Variants in MAP3K12 observed in about 807,000 individuals in gnomAD.
MAP3K12 encodes the protein mitogen-activated protein kinase kinase kinase 12.
A neutral mutation model predicts 87.5 loss-of-function variants in MAP3K12; 14 were observed. The observed-to-expected ratio is 0.16, with a 90% CI of 0.11 to 0.25. The LOEUF is 0.25. Among genes scored for constraint, MAP3K12 ranks in the 10% least tolerant of loss-of-function variants. The pLI is 1.00. For synonymous variants in MAP3K12, 469 were observed against 452.5 expected (o/e 1.04, Z -0.46); for missense variants, 802 against 1,140.4 (o/e 0.70, Z 4.27).
chr12:53,481,627 C>T (rs189056651), intron 13 of MAP3K12: 32 of 348,662 alleles, frequency 9.2e-5, no homozygotes, highest in Non-Finnish European at 1.4e-4. Flanking sequence ...GGATTCCAGG[C>T]GTGAGTCACC....
intron 1 of MAP3K12, among the ~76,000 whole-genome samples, chr12:53,490,331 G>T (rs1237899317): frequency 2.6e-5 from 4 of 152,050 alleles, no homozygotes; most frequent in Admixed American, 2.6e-4. Context: ...GATTGGGCCA[G>T]GCATGGTGGC....
intron 8 of MAP3K12, 87 bp downstream of exon 8, chr12:53,483,824 T>C (rs1366132004): frequency 6.2e-7 from 1 of 1,610,546 alleles, no homozygotes; most frequent in African/African-American, 1.3e-5. Flanking sequence ...TCGTAGTCCT[T>C]CCACCCGCCC....
chr12:53,501,243 G>T, upstream of MAP3K12: 1 of 706,692 alleles, frequency 1.4e-6, no homozygotes. Flanking sequence ...CCTCCAGATG[G>T]AGGCTCACGA....
At chr12:53,491,802 A>G (rs965418666) in intron 1 of MAP3K12, among the ~76,000 whole-genome samples, 4 of 143,168 alleles carry the variant, frequency 2.8e-5, no homozygotes, top group Admixed American at 1.4e-4. Context: ...TGCTGGGCGC[A>G]GTGGCTCACG....
At chr12:53,495,488 T>A (rs989340839) in intron 1 of MAP3K12, among the ~76,000 whole-genome samples, 21 of 138,050 alleles carry the variant, frequency 1.5e-4, no homozygotes, top group African/African-American at 5.7e-4. Flanking sequence ...TGGGCGCACC[T>A]GTAGTCCGCC....
intron 1 of MAP3K12, chr12:53,492,956 G>T (rs1270971326): frequency 2.0e-5 from 3 of 152,332 alleles, no homozygotes; most frequent in African/African-American, 4.8e-5. Context: ...CCCAAGTCAG[G>T]ACCGCTGAAA....
chr12:53,489,617 G>GC lies in MAP3K12; in HGVS notation c.-37-2190dup, dbSNP rs1943346508. Among the ~76,000 whole-genome samples the GC allele has an allele frequency of 2.0e-5, 3 of 152,308 alleles. No individual in the cohort carries two copies. The South Asian group carries it at 6.2e-4, about 32-fold the overall frequency. ...CATAGCTAGCAGGGTCCTTCCATGA[G>GC]CCCCTGGGTTAGTCTGGAAATGATT... On this transcript the variant is annotated intron_variant, in intron 1 of 13. Transcript: ENST00000547488.
At chr12:53,488,569 A>C (rs142897486) in intron 1 of MAP3K12, among the ~76,000 whole-genome samples, 1 of 150,904 alleles carries the variant, frequency 6.6e-6, no homozygotes, top group Admixed American at 6.6e-5. Flanking sequence ...GCTGAGGCAG[A>C]AGAATTGCTT....
chr12:53,490,601 G>A lies in MAP3K12; in HGVS notation c.-37-3173C>T, dbSNP rs371628216. 1.4e-3 allele frequency among the ~76,000 whole-genome samples: 211 copies of A among 152,056 alleles called. 1 individual carries two copies. The highest frequency in any genetic ancestry group is 4.8e-3 in the African/African-American group (200 of 41,488). The stretch of plus-strand genomic sequence containing the variant: ...TACTAAAAAATACAAAAAATTAGCC[G>A]TGTGTGGTGGCAGGCGCCTGTAGTC... On this transcript the variant is annotated intron_variant, in intron 1 of 13. Transcript: ENST00000547488.
intron 1 of MAP3K12, among the ~76,000 whole-genome samples, chr12:53,498,605 CTT>C (rs1432874160): frequency 1.3e-5 from 2 of 152,086 alleles, no homozygotes; most frequent in African/African-American, 4.8e-5. Context: ...AGTCTCAACT[CTT>C]GTTTATTTTT....
Position 53,482,118 on chromosome 12 carries a change from G to A in MAP3K12, c.2403C>T (p.Ser801=), listed in dbSNP as rs140131430. 1.2e-6 allele frequency: 2 copies of A among 1,614,068 alleles called. No individual in the cohort carries two copies. The highest frequency in any genetic ancestry group is 1.3e-5 in the African/African-American group (1 of 74,904). Residue 801 remains serine (S), a synonymous_variant, in exon 13 of 14, where the codon TCC becomes TCT. Coordinates refer to ENST00000547488, the MANE Select transcript of MAP3K12 (RefSeq NM_001193511.2). ...DGEEGTASEP[S]PSGTPEVGST... is the part of the protein sequence containing the mutation. ...TGCCAACTTCAGGTGTGCCACTGGG[G>A]GAAGGTTCACTAGCTGTGCCTTCCT...
In MAP3K12 at chr12:53,480,746, C is replaced by G. The variant is rs181128469; in HGVS notation, c.*436G>C. 8.3e-4 allele frequency: 126 copies of G among 152,696 alleles called. No individual in the cohort carries two copies. Among genetic ancestry groups the G allele is most frequent in the Non-Finnish European group, 1.6e-3 (107 of 68,056 alleles). 9.5% of individuals were successfully genotyped at this position (152,696 alleles called of 1,614,324 possible). On this transcript the variant is annotated 3_prime_UTR_variant, in exon 14 of 14. Transcript: ENST00000547488. ...AGAAACCTCAGAGGGGAGGACCCAG[C>G]CTTAGCCTCCCTCCTCCCAAGTGCA... is the stretch of plus-strand genomic sequence containing the variant.
chr12:53,495,254 G>C (rs1943518648), intron 1 of MAP3K12, among the ~76,000 whole-genome samples: 1 of 147,302 alleles, frequency 6.8e-6, no homozygotes. Context: ...CAGGAGAATG[G>C]CGTGAACCCA....
chr12:53,482,906 CATG>C lies in MAP3K12; in HGVS notation c.1894_1896del (p.His632del). The C allele has an allele frequency of 6.2e-7, 1 of 1,610,830 alleles. No individual in the cohort carries two copies. Among genetic ancestry groups the C allele is most frequent in the Non-Finnish European group, 8.5e-7 (1 of 1,179,804 alleles). ...GAAGACATTTTGCGGAGCAGGAGGT[CATG>C]ATGAAGCCCACGGAGGGCGGGAGGG... On this transcript the variant is annotated inframe_deletion, in exon 11 of 14. Coordinates refer to ENST00000547488, the MANE Select transcript of MAP3K12 (RefSeq NM_001193511.2).
intron 4 of MAP3K12, chr12:53,485,703 T>A (rs1943210578): frequency 5.4e-6 from 3 of 556,038 alleles, no homozygotes; most frequent in Non-Finnish European, 6.3e-6. Context: ...CTACGGGCAC[T>A]CGCCACCACG....
rs1351746929 is a variant in MAP3K12 at position 53,486,472 on chromosome 12, C to T, written c.596G>A (p.Arg199Gln). 2.5e-6 allele frequency: 4 copies of T among 1,614,064 alleles called. No homozygotes were observed. Among genetic ancestry groups the T allele is most frequent in the African/African-American group, 1.3e-5 (1 of 74,934 alleles). ...DLKETDIKHLRKLKHPNIITF... is the reference protein window; with the variant it reads ...DLKETDIKHLQKLKHPNIITF... ...GATGATGTTGGGGTGCTTCAGCTTT[C>T]GCAAGTGCTTGATGTCGGTTTCTTT... The change falls in exon 3 of 14, where the codon CGA (arginine) becomes CAA (glutamine). Residue 199 changes from arginine to glutamine, a missense_variant. Arg to Gln is a conservative substitution (Grantham distance 43, BLOSUM62 1). This residue lies in a region of MAP3K12 where 57 missense variants were observed against 161.8 expected (regional missense o/e 0.35). Coordinates refer to ENST00000547488, the MANE Select transcript of MAP3K12 (RefSeq NM_001193511.2). This position sits in a 1 kb window ranked among gnomAD's most constrained non-coding sequence, Gnocchi z 4.9.
At chr12:53,483,843 G>T (rs1009561311) in intron 8 of MAP3K12, 68 bp downstream of exon 8, 1 of 1,610,236 alleles carries the variant, frequency 6.2e-7, no homozygotes, top group African/African-American at 1.3e-5. Context: ...CCTGGGGCTG[G>T]GTAGGAGCTG....
intron 1 of MAP3K12, among the ~76,000 whole-genome samples, chr12:53,495,339 C>CAA (rs10647631): frequency 0.067 from 1,293 of 19,358 alleles, 449 homozygotes; most frequent in Non-Finnish European, 0.075. Context: ...ACTCTGTCTC[C>CAA]AAAAAAAAAA....
chr12:53,499,001 T>G (rs1235019279), intron 1 of MAP3K12, among the ~76,000 whole-genome samples: 2 of 119,526 alleles, frequency 1.7e-5, no homozygotes, highest in Non-Finnish European at 3.4e-5. Flanking sequence ...TGTGTGTGTG[T>G]GTGGAGATGG....
Sources: gnomAD v4.1 joint callset for allele counts (sites outside exome capture counted in the v4.1 genomes callset) on GRCh38, gnomAD v4.1.1 for gene constraint, gnomAD v4.1.1 regional missense constraint, Gnocchi (gnomAD v3.1) non-coding constraint, MANE v1.5 for transcripts, NCBI Gene and HGNC (gene_info 2026-07-23, HGNC 2026-07-21) for gene names.